Variants in C10orf67 observed in about 807,000 individuals in gnomAD.
C10orf67 encodes chromosome 10 open reading frame 67.
In C10orf67, 60 loss-of-function variants were observed where a neutral mutation model predicts 35.6. The observed-to-expected ratio is 1.68, with a 90% CI of 1.37 to 2.09. The LOEUF (loss-of-function observed/expected upper bound fraction) is 2.09. Among genes scored for constraint, C10orf67 ranks in the 30% most tolerant of loss-of-function variants. The pLI is 0.00. For missense variants in C10orf67, 474 were observed against 330.2 expected (o/e 1.44, Z -3.38); for synonymous variants, 167 against 115.8 (o/e 1.44, Z -2.84).
intron 8 of C10orf67, among the ~76,000 whole-genome samples, chr10:23,268,099 G>A (rs991288820): frequency 6.6e-6 from 1 of 152,036 alleles, no homozygotes; most frequent in Non-Finnish European, 1.5e-5. Flanking sequence ...ACCAGCCTGA[G>A]CAACATAGCA....
intron 8 of C10orf67, among the ~76,000 whole-genome samples, chr10:23,279,728 A>G (rs559771813): frequency 1.8e-4 from 27 of 152,128 alleles, no homozygotes; most frequent in Non-Finnish European, 3.4e-4. Context: ...ATTATTTCAT[A>G]TGCTTCCTCA....
intron 4 of C10orf67, among the ~76,000 whole-genome samples, chr10:23,304,271 C>T (rs2132288435): frequency 6.6e-6 from 1 of 152,300 alleles, no homozygotes; most frequent in African/African-American, 2.4e-5. Context: ...CTCTCAGCTG[C>T]AGTCTGAGAG....
intron 15 of C10orf67, among the ~76,000 whole-genome samples, chr10:23,206,972 T>C (rs1564453029): frequency 6.6e-6 from 1 of 152,226 alleles, no homozygotes. Flanking sequence ...CTATCTTAAA[T>C]GTTAGCAGAC....
At chr10:23,326,882 T>C (rs1387621521) in intron 2 of C10orf67, among the ~76,000 whole-genome samples, 1 of 151,988 alleles carries the variant, frequency 6.6e-6, no homozygotes, top group South Asian at 2.1e-4. Context: ...AGCAAAGAAA[T>C]TGGTAAATTT....
chr10:23,277,735 T>C (rs568378949), intron 8 of C10orf67, among the ~76,000 whole-genome samples: 1 of 152,222 alleles, frequency 6.6e-6, no homozygotes, highest in Admixed American at 6.5e-5. Context: ...ATAATTTGAT[T>C]CTGTTTTCCT....
At chr10:23,271,440 G>A (rs1843020334) in intron 8 of C10orf67, among the ~76,000 whole-genome samples, 1 of 152,254 alleles carries the variant, frequency 6.6e-6, no homozygotes, top group Non-Finnish European at 1.5e-5. Context: ...ATACCAAGGA[G>A]TGGGATAGCC....
chr10:23,326,274 T>C (rs1186328986), intron 2 of C10orf67, among the ~76,000 whole-genome samples: 3 of 151,828 alleles, frequency 2.0e-5, no homozygotes. Context: ...TAAAAGAAAA[T>C]GTTGAAAGCA....
chr10:23,210,200 G>A (rs1056805685), intron 15 of C10orf67, among the ~76,000 whole-genome samples: 1 of 152,046 alleles, frequency 6.6e-6, no homozygotes, highest in Admixed American at 6.6e-5. Flanking sequence ...GAGCAAGCAG[G>A]TTCTGATTTC....
chr10:23,302,665 G>A (rs1212600226), intron 5 of C10orf67, among the ~76,000 whole-genome samples: 1 of 152,198 alleles, frequency 6.6e-6, no homozygotes, highest in Non-Finnish European at 1.5e-5. Flanking sequence ...GCAGACATGA[G>A]ATGACAATGA....
chr10:23,284,636 T>C (rs1359075977), intron 7 of C10orf67, among the ~76,000 whole-genome samples: 1 of 151,962 alleles, frequency 6.6e-6, no homozygotes. Context: ...CAGTGAGCCA[T>C]GATCATGCCA....
At chr10:23,298,116 G>A (rs942733684) in intron 5 of C10orf67, among the ~76,000 whole-genome samples, 18 of 152,074 alleles carry the variant, frequency 1.2e-4, no homozygotes, top group East Asian at 3.9e-4. Flanking sequence ...TCAGCCAGGC[G>A]TGGTGGTGTG....
chr10:23,329,247 TAA>T (rs995046782), intron 2 of C10orf67, among the ~76,000 whole-genome samples: 8 of 151,666 alleles, frequency 5.3e-5, no homozygotes, highest in African/African-American at 1.9e-4. Flanking sequence ...ATTAAACATT[TAA>T]AAAGGAATAT....
intron 13 of C10orf67, among the ~76,000 whole-genome samples, chr10:23,238,290 T>C (rs1028875324): frequency 1.3e-5 from 2 of 152,230 alleles, no homozygotes; most frequent in Non-Finnish European, 2.9e-5. Context: ...GCTTACTCTT[T>C]CTCTCCCCTT....
intron 5 of C10orf67, among the ~76,000 whole-genome samples, chr10:23,300,105 A>G (rs1844023306): frequency 6.6e-6 from 1 of 152,034 alleles, no homozygotes; most frequent in Non-Finnish European, 1.5e-5. Flanking sequence ...TGCTTGCCCC[A>G]GGCACCCTCA....
At chr10:23,339,762 A>G (rs1845814855) in intron 1 of C10orf67, among the ~76,000 whole-genome samples, 1 of 152,208 alleles carries the variant, frequency 6.6e-6, no homozygotes, top group Non-Finnish European at 1.5e-5. Context: ...ACTGCCTTTC[A>G]CTAGTTAAAA....
intron 15 of C10orf67, among the ~76,000 whole-genome samples, chr10:23,223,106 G>A (rs993538345): frequency 6.6e-6 from 1 of 151,932 alleles, no homozygotes; most frequent in African/African-American, 2.4e-5. Context: ...TAAAGACAAG[G>A]TCTCACTCTG....
At chr10:23,229,474 C>A (rs1841844887) in intron 13 of C10orf67, among the ~76,000 whole-genome samples, 1 of 151,034 alleles carries the variant, frequency 6.6e-6, no homozygotes, top group Non-Finnish European at 1.5e-5. Flanking sequence ...AGGAGATATA[C>A]CTAATGTAAA....
At chr10:23,264,370 G>A (rs12221027) in intron 10 of C10orf67, among the ~76,000 whole-genome samples, 6,003 of 152,154 alleles carry the variant, frequency 0.039, 383 homozygotes, top group African/African-American at 0.14. Flanking sequence ...CCCAGTTTAA[G>A]TAATCTCTCC....
intron 7 of C10orf67, among the ~76,000 whole-genome samples, chr10:23,286,651 AGAAAGGAGGGAG>A (rs977634120): frequency 5.5e-5 from 8 of 144,622 alleles, no homozygotes; most frequent in African/African-American, 1.6e-4. Flanking sequence ...GAAAGGAGGG[AGAAAGGAGGGAG>A]GAAAGGAGGG....
Sources: allele counts gnomAD v4.1 joint callset (sites outside exome capture counted in the v4.1 genomes callset), GRCh38; gene constraint gnomAD v4.1.1; transcripts MANE v1.5; gene names NCBI Gene and HGNC (gene_info 2026-07-23, HGNC 2026-07-21).